The following PDE1C variants were observed in gnomAD, a reference collection of about 807,000 sequenced individuals.
The protein encoded by PDE1C is phosphodiesterase 1C, also known as dual specificity calcium/calmodulin-dependent 3',5'-cyclic nucleotide phosphodiesterase 1C.
Under a neutral mutation model 93.1 loss-of-function variants are expected in PDE1C, and 62 were observed. The observed-to-expected ratio is 0.67, with a 90% CI of 0.54 to 0.82. The LOEUF is 0.82. PDE1C is among the 40% of genes least tolerant of loss of function. The pLI is 0.00. For missense variants in PDE1C, 742 were observed against 884.6 expected, an observed-to-expected ratio of 0.84 and a Z score of 2.04; for synonymous variants, 325 against 310.1, an observed-to-expected ratio of 1.05 and a Z score of -0.50.
At chr7:32,104,802 A>G (rs1798216570) in intron 3 of PDE1C, among the ~76,000 whole-genome samples, 1 of 152,210 alleles carries the variant, frequency 6.6e-6, no homozygotes, top group African/African-American at 2.4e-5. Flanking sequence ...AATAAAAAGG[A>G]CCAAAGCTGA....
At chr7:32,420,150 CACACACACAT>C (rs1416020879) in intron 1 of PDE1C, among the ~76,000 whole-genome samples, 2 of 44,242 alleles carry the variant, frequency 4.5e-5, no homozygotes, top group East Asian at 9.9e-4. Flanking sequence ...CACACACACA[CACACACACAT>C]ATATATGTGT....
chr7:32,099,300 A>G (rs1369807449), intron 3 of PDE1C, among the ~76,000 whole-genome samples: 1 of 152,224 alleles, frequency 6.6e-6, no homozygotes, highest in East Asian at 1.9e-4. Context: ...CTACAGGAGT[A>G]AATGTTATCT....
the PDE1C span, among the ~76,000 whole-genome samples, chr7:31,624,110 T>A: frequency 6.7e-6 from 1 of 150,258 alleles, no homozygotes; most frequent in Non-Finnish European, 1.5e-5. Context: ...CACTGCTCAA[T>A]GAAATAAAAG....
intron 3 of PDE1C, among the ~76,000 whole-genome samples, chr7:32,136,256 A>T (rs1800201848): frequency 6.6e-6 from 1 of 152,216 alleles, no homozygotes; most frequent in African/African-American, 2.4e-5. Flanking sequence ...CACAGTGTAT[A>T]CATATACCAA....
At chr7:31,631,273 CA>C in the PDE1C span, among the ~76,000 whole-genome samples, 1 of 152,154 alleles carries the variant, frequency 6.6e-6, no homozygotes. Context: ...CATGTGCTCA[CA>C]AACACATATG....
chr7:32,273,958 G>A (rs1410240011), intron 1 of PDE1C, among the ~76,000 whole-genome samples: 2 of 152,184 alleles, frequency 1.3e-5, no homozygotes, highest in African/African-American at 4.8e-5. Context: ...AGATCTCAAA[G>A]CATGACTTGA....
intron 1 of PDE1C, among the ~76,000 whole-genome samples, chr7:32,427,520 C>T (rs1234717234): frequency 6.6e-6 from 1 of 152,164 alleles, no homozygotes; most frequent in African/African-American, 2.4e-5. Context: ...TTCTTTTATC[C>T]TTGCCTTTCC....
intron 1 of PDE1C, among the ~76,000 whole-genome samples, chr7:32,221,467 G>T (rs1047281443): frequency 1.3e-5 from 2 of 152,112 alleles, no homozygotes; most frequent in Non-Finnish European, 2.9e-5. Context: ...ACATGGCCAT[G>T]CCTTTGACAA....
In PDE1C at chr7:31,824,999, C is replaced by G. The variant is rs901156254; in HGVS notation, c.1286-12G>C. The G allele has an allele frequency of 5.6e-6, 9 of 1,613,010 alleles. No homozygotes were observed. The highest frequency in any genetic ancestry group is 3.3e-5 in the Admixed American group (2 of 59,970). ...GAAATCAATGAAACCTGAAGAGAAACAGCAATGCTTCAGAGGAACCACATA... is the reference window on the plus strand; with the variant it reads ...GAAATCAATGAAACCTGAAGAGAAAGAGCAATGCTTCAGAGGAACCACATA... On this transcript the variant is annotated splice_polypyrimidine_tract_variant and intron_variant, in intron 12 of 17. Transcript: ENST00000396191.
At chr7:31,621,314 C>A in the PDE1C span, among the ~76,000 whole-genome samples, 1 of 122,400 alleles carries the variant, frequency 8.2e-6, no homozygotes, top group East Asian at 2.5e-4. Flanking sequence ...GTCAGATTCA[C>A]CAAAGTTGAA....
chr7:32,073,521 T>C (rs1796180221), upstream of PDE1C, among the ~76,000 whole-genome samples: 1 of 152,182 alleles, frequency 6.6e-6, no homozygotes, highest in East Asian at 1.9e-4. Flanking sequence ...AGTTCTCAAG[T>C]ACAGAGTCCA....
intron 2 of PDE1C, among the ~76,000 whole-genome samples, chr7:31,942,726 C>T (rs1483657442): frequency 6.6e-6 from 1 of 152,106 alleles, no homozygotes; most frequent in African/African-American, 2.4e-5. Context: ...TTAAATCTAT[C>T]TTGATGGTTG....
the PDE1C span, among the ~76,000 whole-genome samples, chr7:31,743,711 T>C: frequency 6.6e-6 from 1 of 152,150 alleles, no homozygotes; most frequent in Non-Finnish European, 1.5e-5. Flanking sequence ...ACAACAGAAA[T>C]ACTAACTTAA....
intron 2 of PDE1C, among the ~76,000 whole-genome samples, chr7:32,050,251 G>A (rs1473181218): frequency 1.3e-5 from 2 of 152,154 alleles, no homozygotes; most frequent in African/African-American, 2.4e-5. Flanking sequence ...ATAAGCCTAA[G>A]ATAATATGCT....
At chr7:32,076,110 A>G (rs1476241460), upstream of PDE1C, among the ~76,000 whole-genome samples, 1 of 152,200 alleles carries the variant, frequency 6.6e-6, no homozygotes, top group Admixed American at 6.5e-5. Context: ...AGATTTGACT[A>G]TAATAGACAT....
intron 1 of PDE1C, among the ~76,000 whole-genome samples, chr7:32,397,218 G>C (rs562105790): frequency 6.6e-6 from 1 of 151,984 alleles, no homozygotes; most frequent in East Asian, 1.9e-4. Context: ...CAGATAAAGG[G>C]CCAATATCCT....
intron 9 of PDE1C, among the ~76,000 whole-genome samples, chr7:31,842,636 G>A (rs1792064041): frequency 6.6e-6 from 1 of 152,044 alleles, no homozygotes; most frequent in Admixed American, 6.6e-5. Flanking sequence ...TTGGTACTTT[G>A]TGTTCTCTCC....
In PDE1C at chr7:32,124,274, T is replaced by C. The variant is rs1233843189; in HGVS notation, c.308+45511A>G. On this transcript the variant is annotated intron_variant, in intron 3 of 18. Transcript: ENST00000396193. ...AATCAATAGCGTGAAAATGGCCATA[T>C]TGACCAAAGTAGTTTATAGATTCAA... 4.6e-5 allele frequency among the ~76,000 whole-genome samples: 7 copies of C among 152,192 alleles called. No homozygotes were observed. In the South Asian group the frequency reaches 6.2e-4, roughly 14 times the overall value.
At chr7:31,853,817 C>T (rs892866937) in intron 7 of PDE1C, among the ~76,000 whole-genome samples, 3 of 151,864 alleles carry the variant, frequency 2.0e-5, no homozygotes, top group African/African-American at 7.3e-5. Context: ...TCAAGCAAAC[C>T]TCCCACCTCA....
Sources: allele counts gnomAD v4.1 joint callset (sites outside exome capture counted in the v4.1 genomes callset), GRCh38; gene constraint gnomAD v4.1.1; transcripts MANE v1.5; gene names NCBI Gene and HGNC (gene_info 2026-07-23, HGNC 2026-07-21).